The following ITPR1 variants were observed in gnomAD, a reference collection of about 807,000 sequenced individuals.
ITPR1 encodes the protein inositol 1,4,5-trisphosphate-gated calcium channel ITPR1.
In ITPR1, 96 loss-of-function variants were observed where a neutral mutation model predicts 318.4. The ratio of observed to expected loss-of-function variants is 0.30; its 90% CI spans 0.26 to 0.36. The LOEUF is 0.36. ITPR1 is among the 10% of genes least tolerant of loss of function. The pLI, the probability that ITPR1 is intolerant of heterozygous loss-of-function variation, is 1.00. For missense variants in ITPR1, 2,440 were observed against 3,460.2 expected, an observed-to-expected ratio of 0.71 and a Z score of 7.40; for synonymous variants, 1,312 against 1,289.9, an observed-to-expected ratio of 1.02 and a Z score of -0.37.
intron 4 of ITPR1, among the ~76,000 whole-genome samples, chr3:4,539,334 G>A (rs2084190593): frequency 6.6e-6 from 1 of 152,080 alleles, no homozygotes; most frequent in Non-Finnish European, 1.5e-5. Flanking sequence ...CTTGCTTTGT[G>A]GCCTAGCAAG....
intron 44 of ITPR1, chr3:4,749,131 G>GTAACCT (rs2044318052): frequency 6.6e-6 from 1 of 152,208 alleles, no homozygotes; most frequent in Admixed American, 6.5e-5. Flanking sequence ...TTAGTATTAG[G>GTAACCT]TAACCTTGAA....
chr3:4,789,252 C>T (rs1228233772), intron 52 of ITPR1, among the ~76,000 whole-genome samples: 2 of 152,180 alleles, frequency 1.3e-5, no homozygotes, highest in African/African-American at 4.8e-5. Flanking sequence ...ACCGAGGGGC[C>T]AGGGGACCAT....
chr3:4,524,301 G>T (rs796728485), intron 4 of ITPR1, among the ~76,000 whole-genome samples: 123 of 73,474 alleles, frequency 1.7e-3, no homozygotes, highest in African/African-American at 5.6e-3. Flanking sequence ...ATACTTTGAC[G>T]TTTTTTTTTT....
Position 4,568,589 on chromosome 3 carries a change from G to A in ITPR1, c.163+47495G>A, listed in dbSNP as rs1042998358. 6.6e-5 allele frequency among the ~76,000 whole-genome samples: 10 copies of A among 152,258 alleles called. No homozygotes were observed. The East Asian group carries it at 1.7e-3, about 26-fold the overall frequency. On this transcript the variant is annotated intron_variant, in intron 4 of 61. Transcript: ENST00000649015. Reference sequence around the variant, plus strand: ...ATGGCTTCAAGATCTTGAAAGTCTTGCCACATGGATAGATAGTGACCAGGT... The same window carrying A: ...ATGGCTTCAAGATCTTGAAAGTCTTACCACATGGATAGATAGTGACCAGGT...
At chr3:4,745,884 T>C (rs879765173) in intron 44 of ITPR1, among the ~76,000 whole-genome samples, 19 of 152,236 alleles carry the variant, frequency 1.2e-4, no homozygotes, top group Non-Finnish European at 2.4e-4. Context: ...CAGCCAAGGA[T>C]ACCCAAGCTA....
intron 12 of ITPR1, among the ~76,000 whole-genome samples, chr3:4,655,740 T>A (rs574622842): frequency 6.6e-6 from 1 of 152,284 alleles, no homozygotes; most frequent in South Asian, 2.1e-4. Flanking sequence ...GAGAGGCGGA[T>A]GTGCCAGCAG....
intron 39 of ITPR1, among the ~76,000 whole-genome samples, chr3:4,712,159 G>T (rs1312854491): frequency 6.6e-6 from 1 of 152,206 alleles, no homozygotes; most frequent in Non-Finnish European, 1.5e-5. Context: ...TAAATTCCCA[G>T]TGAGGAGCAA....
At chr3:4,762,365 C>T (rs11720655) in intron 44 of ITPR1, among the ~76,000 whole-genome samples, 43,756 of 152,092 alleles carry the variant, frequency 0.29, 7,029 homozygotes, top group Non-Finnish European at 0.37. Context: ...CCATGAAGTA[C>T]GATTATTGCC....
chr3:4,669,511 A>T, intron 18 of ITPR1, 143 bp from the exon 19 acceptor site: 1 of 658,532 alleles, frequency 1.5e-6, no homozygotes. Flanking sequence ...GTGATGCCAT[A>T]AACATTGGCA....
intron 4 of ITPR1, among the ~76,000 whole-genome samples, chr3:4,624,102 A>G (rs935243803): frequency 2.6e-5 from 4 of 152,136 alleles, no homozygotes; most frequent in Non-Finnish European, 5.9e-5. Flanking sequence ...GGCATCATGA[A>G]TCCACCCTGA....
chr3:4,560,121 A>G (rs914112570), intron 4 of ITPR1, among the ~76,000 whole-genome samples: 4 of 152,350 alleles, frequency 2.6e-5, no homozygotes, highest in African/African-American at 9.6e-5. Context: ...AGACCTTGGA[A>G]CAGTACTTGG....
intron 4 of ITPR1, 61 bp downstream of exon 4, chr3:4,521,155 T>G: frequency 1.7e-6 from 2 of 1,162,262 alleles, no homozygotes; most frequent in Non-Finnish European, 2.6e-6. Flanking sequence ...TTGAAGTGTG[T>G]TGTTGGTGTG....
intron 33 of ITPR1, among the ~76,000 whole-genome samples, chr3:4,696,924 C>A (rs1173370258): frequency 2.0e-5 from 3 of 152,064 alleles, no homozygotes; most frequent in Non-Finnish European, 2.9e-5. Context: ...GAGGTTTTGC[C>A]TCATTCTTTA....
In ITPR1 at chr3:4,709,548, G is replaced by A. The variant is rs889491031; in HGVS notation, c.4843-777G>A. Among the ~76,000 whole-genome samples, 11 of 152,214 alleles carry A rather than the reference G, an allele frequency of 7.2e-5. No homozygotes were observed. The East Asian group carries it at 1.2e-3, about 16-fold the overall frequency. On this transcript the variant is annotated intron_variant, in intron 37 of 61. Transcript: ENST00000649015. The stretch of plus-strand genomic sequence containing the variant: ...TCTTAGCCAACATGCCTGTAGGCAG[G>A]TTCTGAGTCACCAAACCATGGAGCA...
chr3:4,699,998 T>G, intron 35 of ITPR1, 57 bp downstream of exon 35: 1 of 1,540,986 alleles, frequency 6.5e-7, no homozygotes, highest in Admixed American at 1.7e-5. Flanking sequence ...GCAGTTGGGC[T>G]TGATGTGAAT....
At position 4,727,137 on chromosome 3, in the gene ITPR1, A is replaced by G. The variant is rs751042800; in HGVS notation, c.5184A>G (p.Pro1728=). ...TGCATGCCTAGCAGGAGCTTGAACC[A>G]AGTCCACCCCTGCGGCAGCTGGAAG... ...DSENATEELE[P]SPPLRQLEDH... Residue 1728 remains proline, a synonymous_variant, in exon 42 of 62, where the codon CCA becomes CCG. Transcript: ENST00000649015. The G allele has an allele frequency of 2.5e-6, 4 of 1,598,274 alleles. No individual in the cohort carries two copies. The highest frequency in any genetic ancestry group is 1.1e-5 in the South Asian group (1 of 90,930).
chr3:4,671,972 G>A (rs951566782), intron 20 of ITPR1, among the ~76,000 whole-genome samples: 4 of 152,000 alleles, frequency 2.6e-5, no homozygotes, highest in South Asian at 2.1e-4. Context: ...TATTCAATAC[G>A]GGTACTGAAG....
At chr3:4,683,271 T>A in intron 26 of ITPR1, 115 bp from the exon 27 acceptor site, 1 of 959,262 alleles carries the variant, frequency 1.0e-6, no homozygotes, top group South Asian at 1.3e-5. Flanking sequence ...TGAAATTGCA[T>A]GTCTGGAGAT....
chr3:4,588,840 T>G (rs2090142877), intron 4 of ITPR1, among the ~76,000 whole-genome samples: 1 of 152,148 alleles, frequency 6.6e-6, no homozygotes, highest in Non-Finnish European at 1.5e-5. Context: ...TGGCTTGTAG[T>G]GTCTTGATTT....
Sources: allele counts gnomAD v4.1 joint callset (sites outside exome capture counted in the v4.1 genomes callset), GRCh38; gene constraint gnomAD v4.1.1; transcripts MANE v1.5; gene names NCBI Gene and HGNC (gene_info 2026-07-23, HGNC 2026-07-21).